The following NMD3 variants were observed in gnomAD, a reference collection of about 807,000 sequenced individuals.
NMD3 encodes the protein 60S ribosomal export protein NMD3.
NMD3 carries 47 observed loss-of-function variants against 73.1 expected under a neutral mutation model. That is an observed-to-expected ratio of 0.64 (90% CI 0.51 to 0.82). The LOEUF (loss-of-function observed/expected upper bound fraction) is 0.82. Among genes scored for constraint, NMD3 ranks in the 40% least tolerant of loss-of-function variants. NMD3 has a pLI of 0.00. For synonymous variants in NMD3, 210 were observed against 194.5 expected, an observed-to-expected ratio of 1.08 and a Z score of -0.66; for missense variants, 554 against 612.5, an observed-to-expected ratio of 0.90 and a Z score of 1.01.
chr3:161,248,378 T>G (rs1299234086), intron 13 of NMD3, among the ~76,000 whole-genome samples: 1 of 151,992 alleles, frequency 6.6e-6, no homozygotes, highest in South Asian at 2.1e-4. Flanking sequence ...TAGTCCCAGC[T>G]ACTTAGGAGG....
rs558574546 is a variant in NMD3, at chr3:161,227,172, T to C, written c.180-75T>C. 1,939 of 900,740 alleles carry C rather than the reference T, an allele frequency of 2.2e-3. 25 individuals are homozygous for C. The highest frequency in any genetic ancestry group is 6.1e-4 in the Non-Finnish European group (339 of 559,372). The allele number at this position is 900,740 out of a possible 1,614,324, so 55.8% of individuals were successfully genotyped here. On this transcript the variant is annotated intron_variant, in intron 3 of 15. Transcript: ENST00000351193. ...TATGCCTGGTTAATAATTTGGGTTA[T>C]ATCTGTGTATTCAGATGGAAATTTC... is the stretch of plus-strand genomic sequence containing the variant.
chr3:161,236,898 T>G (rs1391333129), intron 7 of NMD3, among the ~76,000 whole-genome samples: 1 of 152,190 alleles, frequency 6.6e-6, no homozygotes, highest in Non-Finnish European at 1.5e-5. Flanking sequence ...TGAAGTCTGC[T>G]CCCATTGATC....
At chr3:161,242,734 G>A (rs2108095363) in intron 11 of NMD3, 81 bp downstream of exon 11, 2 of 1,410,636 alleles carry the variant, frequency 1.4e-6, no homozygotes, top group East Asian at 2.3e-5. Flanking sequence ...AAAAAAATTT[G>A]TTGGTGTTTC....
chr3:161,230,024 G>A (rs1046250580), intron 4 of NMD3, among the ~76,000 whole-genome samples: 1 of 152,162 alleles, frequency 6.6e-6, no homozygotes, highest in African/African-American at 2.4e-5. Flanking sequence ...GTTCTTTTGA[G>A]ATTTGCTGTA....
In NMD3 at chr3:161,227,219, G is replaced by C. The variant is rs1348813012; in HGVS notation, c.180-28G>C. 2.2e-6 allele frequency: 3 copies of C among 1,351,120 alleles called. No individual in the cohort carries two copies. In the Admixed American group the frequency reaches 5.5e-5, roughly 25 times the overall value. 83.7% of individuals were successfully genotyped at this position (1,351,120 alleles called of 1,614,324 possible). On this transcript the variant is annotated intron_variant, in intron 3 of 15. Coordinates refer to ENST00000351193, the MANE Select transcript of NMD3 (RefSeq NM_015938.5). ...TTTCTGTGTTTCCTGACAGATGTTG[G>C]ATTTCAGTATGTTATCTTCTCTTTT...
intron 8 of NMD3, among the ~76,000 whole-genome samples, 187 bp downstream of exon 8, chr3:161,238,378 C>T (rs1271018446): frequency 2.0e-5 from 3 of 152,102 alleles, no homozygotes; most frequent in Admixed American, 1.3e-4. Flanking sequence ...CTCCAAAGAT[C>T]GGGAAATTTT....
chr3:161,241,128 G>A lies in NMD3; in HGVS notation c.836G>A (p.Ser279Asn), dbSNP rs147544052. ...ATTTGTGTGTGTATTCGAGTAACCA[G>A]TGCCATTCACCTCATTGATCCAAAC... ...NQICVCIRVT[S>N]AIHLIDPNTL... Residue 279 changes from serine to asparagine, a missense_variant, in exon 10 of 16, where the codon AGT becomes AAT. Transcript: ENST00000351193. 3.1e-6 allele frequency: 5 copies of A among 1,612,664 alleles called. No individual in the cohort carries two copies. The highest frequency in any genetic ancestry group is 1.3e-5 in the African/African-American group (1 of 74,854).
chr3:161,243,676 T>G (rs953238664), intron 11 of NMD3, among the ~76,000 whole-genome samples: 1 of 152,204 alleles, frequency 6.6e-6, no homozygotes. Flanking sequence ...AACTAGCTTC[T>G]TAATTCATTG....
intron 9 of NMD3, among the ~76,000 whole-genome samples, chr3:161,239,486 G>A (rs1736888332): frequency 1.3e-5 from 2 of 152,106 alleles, no homozygotes. Context: ...AATGATAACT[G>A]CCATTATTGT....
At chr3:161,252,526 T>TGTA (rs1258054812), downstream of NMD3, among the ~76,000 whole-genome samples, 2 of 152,142 alleles carry the variant, frequency 1.3e-5, no homozygotes, top group Non-Finnish European at 2.9e-5. Flanking sequence ...GGCAAACGAA[T>TGTA]GTAGCTAAGA....
At chr3:161,229,210 A>G (rs1294200303) in intron 4 of NMD3, among the ~76,000 whole-genome samples, 1 of 152,170 alleles carries the variant, frequency 6.6e-6, no homozygotes, top group Non-Finnish European at 1.5e-5. Context: ...TGTAAGGAGT[A>G]TAGAGGGTGA....
chr3:161,233,219 A>G (rs912129665), intron 4 of NMD3, among the ~76,000 whole-genome samples, 180 bp from the exon 5 acceptor site: 4 of 150,334 alleles, frequency 2.7e-5, no homozygotes, highest in Admixed American at 1.3e-4. Context: ...TTGTCCTTTG[A>G]TTTGCTGCTG....
chr3:161,227,032 T>A (rs1458862524), intron 3 of NMD3, among the ~76,000 whole-genome samples: 1 of 152,254 alleles, frequency 6.6e-6, no homozygotes, highest in Non-Finnish European at 1.5e-5. Context: ...TATTTCAGAT[T>A]GACTTTCTCA....
At chr3:161,250,211 A>G (rs749769979) in intron 14 of NMD3, 45 bp from the exon 15 acceptor site, 20 of 1,085,188 alleles carry the variant, frequency 1.8e-5, no homozygotes, top group Middle Eastern at 2.5e-4. Flanking sequence ...TGAAGAAAAT[A>G]TAACTATATT....
rs1284359658 is a variant in NMD3 at position 161,238,781 on chromosome 3, C to T, written c.708C>T (p.Tyr236=). The change falls in exon 9 of 16, where the codon TAC becomes TAT. Residue 236 remains tyrosine, a synonymous_variant. Coordinates refer to ENST00000351193, the MANE Select transcript of NMD3 (RefSeq NM_015938.5). ...CTCAAGATATCCATAGTAACACATA[C>T]AATTACAAAAGCACTTTTTCTGTGG... ...LISQDIHSNT[Y]NYKSTFSVEI... 1.9e-6 allele frequency: 3 copies of T among 1,577,798 alleles called. No homozygotes were observed. Among genetic ancestry groups the T allele is most frequent in the Non-Finnish European group, 2.6e-6 (3 of 1,156,898 alleles).
At chr3:161,229,429 A>G (rs1024802901) in intron 4 of NMD3, among the ~76,000 whole-genome samples, 14 of 152,158 alleles carry the variant, frequency 9.2e-5, no homozygotes, top group African/African-American at 3.4e-4. Context: ...GTGTTTTTGT[A>G]AGAGACAGAA....
chr3:161,250,715 A>G (rs770685711), intron 15 of NMD3, 65 bp from the exon 16 acceptor site: 12 of 964,708 alleles, frequency 1.2e-5, no homozygotes, highest in Non-Finnish European at 1.8e-5. Flanking sequence ...ATTTTCAAAT[A>G]TATTTAATAC....
intron 7 of NMD3, among the ~76,000 whole-genome samples, chr3:161,237,201 TTC>T (rs1736791518): frequency 6.6e-6 from 1 of 152,200 alleles, no homozygotes; most frequent in Non-Finnish European, 1.5e-5. Flanking sequence ...TTTATTGAAA[TTC>T]TTTTTCTTTT....
intron 9 of NMD3, among the ~76,000 whole-genome samples, chr3:161,239,189 T>A (rs1736879434): frequency 6.6e-6 from 1 of 152,192 alleles, no homozygotes; most frequent in South Asian, 2.1e-4. Flanking sequence ...CTTTGTGGAA[T>A]ATGTACAAAC....
Sources: gnomAD v4.1 joint callset for allele counts (sites outside exome capture counted in the v4.1 genomes callset) on GRCh38, gnomAD v4.1.1 for gene constraint, MANE v1.5 for transcripts, NCBI Gene and HGNC (gene_info 2026-07-23, HGNC 2026-07-21) for gene names.